ZNF420: variants seen among roughly 807,000 people sequenced by gnomAD.
ZNF420 encodes the protein zinc finger protein 420.
Under a neutral mutation model 44.7 loss-of-function variants are expected in ZNF420, and 31 were observed. The ratio of observed to expected loss-of-function variants is 0.69; its 90% CI spans 0.52 to 0.94. The LOEUF (loss-of-function observed/expected upper bound fraction) is 0.94. Ranked by LOEUF, ZNF420 falls within the 40% of genes least tolerant of loss-of-function variation. ZNF420 has a pLI of 0.00. For synonymous variants in ZNF420, 245 were observed against 267.4 expected (o/e 0.92, Z 0.82); for missense variants, 681 against 827.9 (o/e 0.82, Z 2.18).
chr19:37,122,163 C>T (rs1430144231), intron 4 of ZNF420, among the ~76,000 whole-genome samples: 5 of 152,182 alleles, frequency 3.3e-5, no homozygotes, highest in Admixed American at 6.5e-5. Flanking sequence ...CACATGCACA[C>T]GTATGTTTAT....
At chr19:37,084,034 T>C (rs1331679306) in intron 2 of ZNF420, among the ~76,000 whole-genome samples, 11 of 152,182 alleles carry the variant, frequency 7.2e-5, no homozygotes, top group Non-Finnish European at 1.5e-4. Context: ...ATTAATGATA[T>C]TAAGATTCTC....
chr19:37,054,999 G>A (rs1388018730), intron 1 of ZNF420, among the ~76,000 whole-genome samples: 3 of 152,070 alleles, frequency 2.0e-5, no homozygotes, highest in Non-Finnish European at 4.4e-5. Context: ...TACTCCCTGT[G>A]TCCAGGAACA....
chr19:37,115,414 G>A (rs1970619065), intron 4 of ZNF420, among the ~76,000 whole-genome samples: 1 of 152,016 alleles, frequency 6.6e-6, no homozygotes, highest in African/African-American at 2.4e-5. Flanking sequence ...AGGGGGATGT[G>A]GCAGGACCGT....
intron 2 of ZNF420, among the ~76,000 whole-genome samples, chr19:37,087,144 G>A (rs1182990145): frequency 6.6e-6 from 1 of 151,922 alleles, no homozygotes; most frequent in African/African-American, 2.4e-5. Context: ...AATTAGGTGA[G>A]TATGATGGCA....
chr19:37,026,323 C>CT (rs74174444), intron 1 of ZNF420, among the ~76,000 whole-genome samples: 22,004 of 138,062 alleles, frequency 0.16, 1,859 homozygotes, highest in African/African-American at 0.22. Flanking sequence ...ATGCCCGGCT[C>CT]TTTTTTTTTT....
intron 1 of ZNF420, among the ~76,000 whole-genome samples, chr19:37,061,927 T>C (rs1298993494): frequency 2.6e-5 from 4 of 152,232 alleles, no homozygotes. Context: ...ATCATTGCTC[T>C]GAGCAACTTA....
At chr19:37,048,525 G>A (rs532356382) in intron 1 of ZNF420, among the ~76,000 whole-genome samples, 4 of 152,242 alleles carry the variant, frequency 2.6e-5, no homozygotes, top group South Asian at 2.1e-4. Flanking sequence ...CCAGGTAGGT[G>A]TAGAAGAAAT....
intron 1 of ZNF420, among the ~76,000 whole-genome samples, chr19:37,078,779 CTGTT>C (rs1363367885): frequency 1.3e-5 from 2 of 152,174 alleles, no homozygotes; most frequent in Admixed American, 6.5e-5. Flanking sequence ...GTGTTTGTGA[CTGTT>C]TGCTTACCTG....
chr19:37,115,687 T>G (rs1306134203), intron 4 of ZNF420, among the ~76,000 whole-genome samples: 2 of 151,954 alleles, frequency 1.3e-5, no homozygotes, highest in Non-Finnish European at 2.9e-5. Flanking sequence ...TGCCTTCCTC[T>G]TATCTCAACT....
intron 1 of ZNF420, among the ~76,000 whole-genome samples, chr19:37,008,898 C>T (rs1042415450): frequency 6.6e-6 from 1 of 152,156 alleles, no homozygotes; most frequent in Admixed American, 6.5e-5. Flanking sequence ...CAAGGAGATC[C>T]ATGTCATGAT....
chr19:37,049,915 G>C (rs1277980787), intron 1 of ZNF420, among the ~76,000 whole-genome samples: 1 of 152,190 alleles, frequency 6.6e-6, no homozygotes, highest in African/African-American at 2.4e-5. Flanking sequence ...AAGGGATCCA[G>C]TTTCAGCTTT....
At chr19:37,031,176 G>A (rs1046236258) in intron 1 of ZNF420, among the ~76,000 whole-genome samples, 17 of 152,184 alleles carry the variant, frequency 1.1e-4, no homozygotes, top group African/African-American at 4.1e-4. Flanking sequence ...TTCAGACTGA[G>A]CTTAGAGAAG....
chr19:37,025,472 C>A (rs2562599), intron 1 of ZNF420, among the ~76,000 whole-genome samples: 83,027 of 151,908 alleles, frequency 0.55, 23,911 homozygotes, highest in African/African-American at 0.71. Flanking sequence ...GACATTAAGA[C>A]AACCAGGTAG....
At chr19:37,032,406 G>A (rs915683239) in intron 1 of ZNF420, among the ~76,000 whole-genome samples, 2 of 151,938 alleles carry the variant, frequency 1.3e-5, no homozygotes, top group Non-Finnish European at 2.9e-5. Context: ...TTCGGAGGCT[G>A]AGGCATGAGA....
chr19:37,016,326 A>G lies in ZNF420; in HGVS notation c.-125+8244A>G, dbSNP rs1360801079. Among the ~76,000 whole-genome samples the G allele has an allele frequency of 2.0e-5, 3 of 152,346 alleles. No individual in the cohort carries two copies. The East Asian group carries it at 5.8e-4, about 29-fold the overall frequency. Reference sequence around the variant, plus strand: ...TTGGCTGTTAGGAATTTCACAGAGCAAAAGGGACTGGCAGTTGACTGGGTG... The same window carrying G: ...TTGGCTGTTAGGAATTTCACAGAGCGAAAGGGACTGGCAGTTGACTGGGTG... On this transcript the variant is annotated intron_variant, in intron 1 of 4. Transcript: ENST00000587029.
At chr19:37,056,979 C>A (rs1182348226) in intron 1 of ZNF420, among the ~76,000 whole-genome samples, 7 of 152,274 alleles carry the variant, frequency 4.6e-5, no homozygotes, top group Non-Finnish European at 1.5e-5. Flanking sequence ...AGCAGCGGAG[C>A]GCGAGTCGGC....
At chr19:37,105,870 C>T (rs978529250) in intron 4 of ZNF420, among the ~76,000 whole-genome samples, 2 of 152,126 alleles carry the variant, frequency 1.3e-5, no homozygotes, top group Non-Finnish European at 2.9e-5. Flanking sequence ...GTGATTTTTG[C>T]ACATTGATTT....
chr19:37,124,972 G>A (rs951566290), intron 4 of ZNF420, among the ~76,000 whole-genome samples: 1 of 152,154 alleles, frequency 6.6e-6, no homozygotes, highest in Non-Finnish European at 1.5e-5. Flanking sequence ...GAGTAGCTGG[G>A]ATTACAGGCA....
intron 1 of ZNF420, among the ~76,000 whole-genome samples, chr19:37,011,606 C>T (rs942232375): frequency 3.3e-5 from 5 of 152,084 alleles, no homozygotes; most frequent in African/African-American, 9.7e-5. Context: ...GCAGGTGTAG[C>T]AAAATGTGGC....
Sources: allele counts gnomAD v4.1 joint callset (sites outside exome capture counted in the v4.1 genomes callset), GRCh38; gene constraint gnomAD v4.1.1; transcripts MANE v1.5; gene names NCBI Gene and HGNC (gene_info 2026-07-23, HGNC 2026-07-21).